Variants in PARP11 observed in about 807,000 individuals in gnomAD.
PARP11 encodes protein mono-ADP-ribosyltransferase PARP11.
In PARP11, 31 loss-of-function variants were observed where a neutral mutation model predicts 42.9. The ratio of observed to expected loss-of-function variants is 0.72; its 90% CI spans 0.54 to 0.98. PARP11 has a LOEUF of 0.98. PARP11 is among the 50% of genes least tolerant of loss of function. The probability of loss-of-function intolerance (pLI) is 0.00; values close to 1 mark genes in which losing one functional copy is unlikely to be tolerated. For missense variants in PARP11, 365 were observed against 413.1 expected (o/e 0.88, Z 1.01); for synonymous variants, 137 against 127.3 (o/e 1.08, Z -0.51).
Position 3,861,307 on chromosome 12 carries a change from G to A in PARP11, c.18+11905C>T, listed in dbSNP as rs1025603963. On this transcript the variant is annotated intron_variant, in intron 1 of 7. Transcript: ENST00000228820. This position sits in a 1 kb window ranked among gnomAD's most constrained non-coding sequence, Gnocchi z 4.6. ...TGTGATATGAAAATGGGGCCTTTGG[G>A]AGGTGATTAGATCATGAAGGCAAAG... Among the ~76,000 whole-genome samples, 5 of 152,178 alleles carry A rather than the reference G, an allele frequency of 3.3e-5. No individual in the cohort carries two copies. The highest frequency in any genetic ancestry group is 1.2e-4 in the African/African-American group (5 of 41,436).
rs1832867481 is a variant in PARP11 at position 3,809,685 on chromosome 12, G to A, written c.*2438C>T. On this transcript the variant is annotated 3_prime_UTR_variant, in exon 8 of 8. Coordinates refer to ENST00000228820, the MANE Select transcript of PARP11 (RefSeq NM_020367.6). Reference sequence around the variant, plus strand: ...AGGACTATTTTAATGTGGTTTTTTGGTATGTAAATTACAAATAAATCGAAA... The same window carrying A: ...AGGACTATTTTAATGTGGTTTTTTGATATGTAAATTACAAATAAATCGAAA... 1 of 152,198 alleles carries A rather than the reference G, an allele frequency of 6.6e-6. No homozygotes were observed. Among genetic ancestry groups the A allele is most frequent in the Admixed American group, 6.5e-5 (1 of 15,286 alleles). The allele number at this position is 152,198 out of a possible 1,614,324, so 9.4% of individuals were successfully genotyped here. A position where few individuals can be genotyped will look rare whatever the true frequency, so the allele number is the denominator to read the frequency against.
Position 3,873,247 on chromosome 12 carries a change from G to A in PARP11, c.-18C>T. The A allele has an allele frequency of 1.3e-6, 2 of 1,549,762 alleles. No individual in the cohort carries two copies. Among genetic ancestry groups the A allele is most frequent in the African/African-American group, 1.4e-5 (1 of 72,926 alleles). ...TCCCACATAACGGTGACAAAATCGA[G>A]CGGAGAGAGCCTGTGGGAAGGGGCT... On this transcript the variant is annotated 5_prime_UTR_variant, in exon 1 of 8. Coordinates refer to ENST00000228820, the MANE Select transcript of PARP11 (RefSeq NM_020367.6).
rs545590932 is a variant in PARP11, at chr12:3,861,029, G to A, written c.18+12183C>T. Among the ~76,000 whole-genome samples, 1 of 152,276 alleles carries A rather than the reference G, an allele frequency of 6.6e-6. No homozygotes were observed. The highest frequency in any genetic ancestry group is 2.4e-5 in the African/African-American group (1 of 41,562). On this transcript the variant is annotated intron_variant, in intron 1 of 7. Transcript: ENST00000228820. This position sits in a 1 kb window ranked among gnomAD's most constrained non-coding sequence, Gnocchi z 4.6. Reference sequence around the variant, plus strand: ...TTGGTTTCACAGGGTCACAGCTGGAGGAGAATTTGCCTCAGGATGAATCAT... The same window carrying A: ...TTGGTTTCACAGGGTCACAGCTGGAAGAGAATTTGCCTCAGGATGAATCAT...
In PARP11 at chr12:3,812,425, T is replaced by C. The variant is rs1947199027; in HGVS notation, c.715A>G (p.Arg239Gly). 6.2e-7 allele frequency: 1 copy of C among 1,606,844 alleles called. No homozygotes were observed. The highest frequency in any genetic ancestry group is 8.5e-7 in the Non-Finnish European group (1 of 1,176,002). Reference protein sequence around the residue: ...AVFGKGTYFARDAAYSSRFCK... With the variant: ...AVFGKGTYFAGDAAYSSRFCK... ...AAACGACTGGAATAAGCAGCATCTC[T>C]AGCAAAATAGGTTCCTTAAACAAAG... The change falls in exon 8 of 8, where the codon AGA (arginine) becomes GGA (glycine). Residue 239 changes from arginine (R) to glycine (G), a missense_variant. Coordinates refer to ENST00000228820, the MANE Select transcript of PARP11 (RefSeq NM_020367.6).
At chr12:3,839,432 C>T (rs1423267982) in intron 1 of PARP11, 19 of 1,600,068 alleles carry the variant, frequency 1.2e-5, no homozygotes, top group Non-Finnish European at 1.6e-5. Context: ...AAGGACGGGT[C>T]GTGCCTGTTC....
At position 3,809,278 on chromosome 12, in the gene PARP11, A is replaced by C. The variant is rs1006483861; in HGVS notation, c.*2845T>G. The stretch of plus-strand genomic sequence containing the variant: ...TCGATTTAATCTACTTACCAAAACA[A>C]AGAAATAAAATTTTAACATCCATTA... On this transcript the variant is annotated 3_prime_UTR_variant, in exon 8 of 8. Transcript: ENST00000228820. The C allele has an allele frequency of 1.3e-5, 2 of 152,200 alleles. No individual in the cohort carries two copies. Among genetic ancestry groups the C allele is most frequent in the Admixed American group, 6.5e-5 (1 of 15,276 alleles). The allele number at this position is 152,200 out of a possible 1,614,324, so 9.4% of individuals were successfully genotyped here. A position where few individuals can be genotyped will look rare whatever the true frequency, so the allele number is the denominator to read the frequency against.
At chr12:3,828,082 G>A (rs1947562747) in intron 3 of PARP11, among the ~76,000 whole-genome samples, 1 of 152,152 alleles carries the variant, frequency 6.6e-6, no homozygotes, top group Admixed American at 6.5e-5. Flanking sequence ...AGATTATCTG[G>A]CTAATCTGTG....
At chr12:3,846,230 C>A (rs1947991087) in intron 1 of PARP11, among the ~76,000 whole-genome samples, 1 of 150,984 alleles carries the variant, frequency 6.6e-6, no homozygotes, top group African/African-American at 2.4e-5. Context: ...AAATGCCCTA[C>A]ATGGTGTGAT....
intron 1 of PARP11, among the ~76,000 whole-genome samples, chr12:3,833,904 C>T (rs1164678227): frequency 1.3e-5 from 2 of 152,196 alleles, no homozygotes; most frequent in East Asian, 3.9e-4. Context: ...CCGGGAAGGG[C>T]AGGCTGCTGG....
chr12:3,839,791 T>G, intron 1 of PARP11: 2 of 1,131,666 alleles, frequency 1.8e-6, no homozygotes, highest in Non-Finnish European at 2.7e-6. Context: ...CTCTGCTATG[T>G]GTCAGTCTCT....
At chr12:3,843,880 T>C (rs1210434463) in intron 1 of PARP11, among the ~76,000 whole-genome samples, 3 of 152,232 alleles carry the variant, frequency 2.0e-5, no homozygotes, top group Admixed American at 6.5e-5. Context: ...TTGAGTGCTA[T>C]GCAAATAACA....
intron 1 of PARP11, among the ~76,000 whole-genome samples, chr12:3,866,626 T>C (rs1273148172): frequency 2.0e-5 from 3 of 151,972 alleles, no homozygotes; most frequent in African/African-American, 7.2e-5. Context: ...TACTTAAATA[T>C]AGTACTATAA....
intron 1 of PARP11, 115 bp downstream of exon 1, chr12:3,873,097 G>A: frequency 4.8e-6 from 5 of 1,038,310 alleles, no homozygotes; most frequent in East Asian, 2.6e-5. Context: ...CTCCGGTCCC[G>A]GAACTCAACA....
intron 1 of PARP11, among the ~76,000 whole-genome samples, chr12:3,833,649 A>C (rs940331360): frequency 2.0e-5 from 3 of 152,192 alleles, no homozygotes; most frequent in Non-Finnish European, 4.4e-5. Context: ...TTTTTTTAAA[A>C]AACAAACATT....
intron 1 of PARP11, 122 bp downstream of exon 1, chr12:3,873,090 C>G: frequency 1.0e-6 from 1 of 968,640 alleles, no homozygotes; most frequent in Non-Finnish European, 1.6e-6. Context: ...CCGGGAACTC[C>G]GGTCCCGGAA....
chr12:3,839,514 T>C lies in PARP11; in HGVS notation c.19-9496A>G, dbSNP rs1448551497. ...AAGTCAGAATGGCCTGTATTCACTG[T>C]CTTCGAGAGAACAGAGAGAAATTTG... is the stretch of plus-strand genomic sequence containing the variant. On this transcript the variant is annotated intron_variant, in intron 1 of 7. Coordinates refer to ENST00000228820, the MANE Select transcript of PARP11 (RefSeq NM_020367.6). 16 of 1,600,486 alleles carry C rather than the reference T, an allele frequency of 1.0e-5. No individual in the cohort carries two copies. In the East Asian group the frequency reaches 3.6e-4, roughly 36 times the overall value.
At chr12:3,871,820 T>C (rs1191935319) in intron 1 of PARP11, 1 of 152,194 alleles carries the variant, frequency 6.6e-6, no homozygotes, top group Non-Finnish European at 1.5e-5. Flanking sequence ...GCATGCTGAA[T>C]ACTTTGAACT....
chr12:3,851,257 T>C (rs141225422), intron 1 of PARP11, among the ~76,000 whole-genome samples: 72 of 152,302 alleles, frequency 4.7e-4, no homozygotes, highest in African/African-American at 1.7e-3. Flanking sequence ...TTGGGACTGG[T>C]TGGGCAGCGG....
intron 6 of PARP11, among the ~76,000 whole-genome samples, chr12:3,818,302 G>A (rs941060637): frequency 3.9e-5 from 6 of 152,070 alleles, no homozygotes; most frequent in South Asian, 2.1e-4. Flanking sequence ...CAAAAGAAAC[G>A]GAAGGTATCA....
Sources: allele counts gnomAD v4.1 joint callset (sites outside exome capture counted in the v4.1 genomes callset), GRCh38; gene constraint gnomAD v4.1.1; non-coding constraint Gnocchi (gnomAD v3.1); transcripts MANE v1.5; gene names NCBI Gene and HGNC (gene_info 2026-07-23, HGNC 2026-07-21).